The following SLC5A11 variants were observed in gnomAD, a reference collection of about 807,000 sequenced individuals.
SLC5A11 encodes sodium/myo-inositol cotransporter 2.
A neutral mutation model predicts 69.8 loss-of-function variants in SLC5A11; 48 were observed. The observed-to-expected ratio is 0.69, with a 90% confidence interval of 0.55 to 0.87. SLC5A11 has a LOEUF of 0.87. Among genes scored for constraint, SLC5A11 ranks in the 40% least tolerant of loss-of-function variants. The pLI is 0.00. For missense variants in SLC5A11, 784 were observed against 866.1 expected, an observed-to-expected ratio of 0.91 and a Z score of 1.19; for synonymous variants, 319 against 342.4, an observed-to-expected ratio of 0.93 and a Z score of 0.75.
chr16:24,890,961 C>T (rs769304757), exon 9 of SLC5A11: 1 of 1,614,160 alleles, frequency 6.2e-7, no homozygotes, highest in Admixed American at 1.7e-5. Flanking sequence ...CTGCGGGCTG[C>T]CCCGGGAAGA....
intron 7 of SLC5A11, among the ~76,000 whole-genome samples, chr16:24,881,061 C>T (rs1024716511): frequency 6.6e-6 from 1 of 151,850 alleles, no homozygotes; most frequent in Non-Finnish European, 1.5e-5. Flanking sequence ...AAAAAATTAG[C>T]CAGGCGTGGT....
chr16:24,911,246 C>A, intron 15 of SLC5A11, 82 bp from the exon 17 acceptor site: 1 of 1,305,670 alleles, frequency 7.7e-7, no homozygotes, highest in Non-Finnish European at 1.1e-6. Context: ...AGCACTTGAA[C>A]ACATCTGGTG....
intron 1 of SLC5A11, among the ~76,000 whole-genome samples, chr16:24,849,254 A>G (rs1480644348): frequency 6.6e-6 from 1 of 152,084 alleles, no homozygotes; most frequent in Non-Finnish European, 1.5e-5. Context: ...CGCACGTGTG[A>G]ACTTTCAGAC....
intron 13 of SLC5A11, among the ~76,000 whole-genome samples, chr16:24,908,581 G>C (rs1319987905): frequency 8.0e-6 from 1 of 125,126 alleles, no homozygotes; most frequent in East Asian, 2.4e-4. Flanking sequence ...CTGGGCGACA[G>C]AGTGAGACTG....
In SLC5A11 at chr16:24,897,989, ACT is replaced by A; in HGVS notation, c.889_890del (p.Leu297GlyfsTer97). On this transcript the variant is annotated frameshift_variant, in exon 10 of 16. Transcript: ENST00000347898. LOFTEE classifies it high-confidence loss of function. ...TCTTTTCCAGGTGATTGTCCAGCGG[ACT>A]CTGGCTGCCAAGAACCTGTCCCATG... The A allele has an allele frequency of 6.2e-7, 1 of 1,613,822 alleles. No homozygotes were observed. The highest frequency in any genetic ancestry group is 2.2e-5 in the East Asian group (1 of 44,866).
At chr16:24,905,292 A>AC (rs1248286485) in intron 10 of SLC5A11, among the ~76,000 whole-genome samples, 2 of 148,736 alleles carry the variant, frequency 1.3e-5, no homozygotes, top group African/African-American at 4.9e-5. Context: ...AAAAAAAAAA[A>AC]AAAACCTGGG....
At chr16:24,908,860 G>A (rs774678962) in intron 13 of SLC5A11, 21 bp from the exon 15 acceptor site, 2 of 1,609,260 alleles carry the variant, frequency 1.2e-6, no homozygotes, top group South Asian at 1.1e-5. Flanking sequence ...TCTCTAAGAT[G>A]ATCTTGCTCT....
intron 1 of SLC5A11, among the ~76,000 whole-genome samples, chr16:24,849,071 G>C (rs1353117162): frequency 6.6e-6 from 1 of 152,172 alleles, no homozygotes; most frequent in African/African-American, 2.4e-5. Context: ...TAGATGTAGT[G>C]CCTGGCACAT....
Position 24,872,227 on chromosome 16 carries a change from G to A in SLC5A11, c.372+8G>A, listed in dbSNP as rs368482263. 1.7e-5 allele frequency: 28 copies of A among 1,613,890 alleles called. No individual in the cohort carries two copies. The Middle Eastern group carries it at 4.9e-4, about 28-fold the overall frequency. On this transcript the variant is annotated splice_region_variant and intron_variant, in intron 5 of 15. Coordinates refer to ENST00000347898, the Ensembl canonical transcript of SLC5A11. ...ATCTACATTGCTGGTCAGGTGAGTC[G>A]GGGGACATTGGGATGCTGTAGAATT...
At chr16:24,865,141 A>G (rs1301422041) in intron 3 of SLC5A11, among the ~76,000 whole-genome samples, 4 of 152,226 alleles carry the variant, frequency 2.6e-5, no homozygotes, top group African/African-American at 9.6e-5. Context: ...TAATCTACAC[A>G]TCCAAGAAAT....
rs377658395 is a variant in SLC5A11, at chr16:24,858,796, G to C, written c.135+18G>C. 1.2e-6 allele frequency: 2 copies of C among 1,604,794 alleles called. No homozygotes were observed. Among genetic ancestry groups the C allele is most frequent in the East Asian group, 4.5e-5 (2 of 44,716 alleles). ...GACTATGGGTAAGCCAGGCCACTGGGGGATGGGGGATGAAGAGAGAAGGAA... is the reference window on the plus strand; with the variant it reads ...GACTATGGGTAAGCCAGGCCACTGGCGGATGGGGGATGAAGAGAGAAGGAA... On this transcript the variant is annotated intron_variant, in intron 2 of 15. Coordinates refer to ENST00000347898, the Ensembl canonical transcript of SLC5A11.
chr16:24,891,078 C>T lies in SLC5A11; in HGVS notation c.870+4C>T, dbSNP rs1174831770. 1 of 1,613,226 alleles carries T rather than the reference C, an allele frequency of 6.2e-7. No individual in the cohort carries two copies. Among genetic ancestry groups the T allele is most frequent in the Non-Finnish European group, 8.5e-7 (1 of 1,179,510 alleles). ...CTGGTACTGGTGCACGGATCAGGTA[C>T]AGGACAGTGGCCTGAGCAAGTTTTT... On this transcript the variant is annotated splice_donor_region_variant and intron_variant, in intron 9 of 15. Transcript: ENST00000347898.
chr16:24,900,756 C>T (rs2049520237), intron 10 of SLC5A11, among the ~76,000 whole-genome samples: 1 of 151,856 alleles, frequency 6.6e-6, no homozygotes, highest in Non-Finnish European at 1.5e-5. Context: ...CTACCAAAAA[C>T]AATTTTTAAA....
At chr16:24,878,608 G>A (rs887886640) in intron 7 of SLC5A11, among the ~76,000 whole-genome samples, 3 of 152,160 alleles carry the variant, frequency 2.0e-5, no homozygotes, top group Non-Finnish European at 2.9e-5. Flanking sequence ...ACAGGTATGT[G>A]TATATGGATA....
At chr16:24,873,142 AAAGGAAAGGAAAG>A (rs1179385332) in intron 5 of SLC5A11, among the ~76,000 whole-genome samples, 8 of 136,046 alleles carry the variant, frequency 5.9e-5, no homozygotes, top group Admixed American at 2.4e-4. Flanking sequence ...CGTCAGAAGG[AAAGGAAAGGAAAG>A]AAGGAAAGGA....
chr16:24,891,735 G>A (rs1006230792), intron 9 of SLC5A11, among the ~76,000 whole-genome samples: 2 of 152,082 alleles, frequency 1.3e-5, no homozygotes, highest in Non-Finnish European at 1.5e-5. Flanking sequence ...TACACACTGG[G>A]TGTCCTCTAC....
intron 15 of SLC5A11, among the ~76,000 whole-genome samples, chr16:24,910,691 AAC>A (rs1272633390): frequency 6.6e-6 from 1 of 152,144 alleles, no homozygotes. Context: ...ACTAACAGCA[AAC>A]AAACACTTGT....
intron 9 of SLC5A11, among the ~76,000 whole-genome samples, 154 bp downstream of exon 10, chr16:24,891,228 A>G (rs537561419): frequency 6.7e-6 from 1 of 149,138 alleles, no homozygotes; most frequent in South Asian, 2.1e-4. Flanking sequence ...TCTACATGCT[A>G]TTTTATTTCT....
rs551598624 is a variant in SLC5A11, at chr16:24,892,683, A to G, written c.870+1609A>G. Among the ~76,000 whole-genome samples the G allele has an allele frequency of 4.6e-5, 7 of 152,292 alleles. No homozygotes were observed. The South Asian group carries it at 8.3e-4, about 18-fold the overall frequency. On this transcript the variant is annotated intron_variant, in intron 9 of 15. Coordinates refer to ENST00000347898, the Ensembl canonical transcript of SLC5A11. ...CTGGTACATGAAACATCAGAGATCA[A>G]TGTACCACTTGGGGAGTTATACTGC...
Sources: gnomAD v4.1 joint callset for allele counts (sites outside exome capture counted in the v4.1 genomes callset) on GRCh38, gnomAD v4.1.1 for gene constraint, MANE v1.5 for transcripts, NCBI Gene and HGNC (gene_info 2026-07-23, HGNC 2026-07-21) for gene names.